Variants in RUFY3 observed in about 807,000 individuals in gnomAD.
RUFY3 encodes the protein protein RUFY3.
Under a neutral mutation model 84.0 loss-of-function variants are expected in RUFY3, and 34 were observed. The observed-to-expected ratio is 0.40, with a 90% CI of 0.31 to 0.54. The LOEUF (loss-of-function observed/expected upper bound fraction) is 0.54. RUFY3 is among the 20% of genes least tolerant of loss of function. RUFY3 has a pLI of 0.39. For missense variants in RUFY3, 507 were observed against 736.8 expected, an observed-to-expected ratio of 0.69 and a Z score of 3.61; for synonymous variants, 242 against 252.9, an observed-to-expected ratio of 0.96 and a Z score of 0.41.
intron 16 of RUFY3, among the ~76,000 whole-genome samples, chr4:70,803,730 CT>C (rs752153269): frequency 2.9e-4 from 41 of 143,440 alleles, no homozygotes; most frequent in Non-Finnish European, 4.6e-4. Context: ...TCTTTTTTTC[CT>C]TTTTTTTTTG....
chr4:70,735,594 A>G (rs1273969019), intron 1 of RUFY3, among the ~76,000 whole-genome samples: 3 of 152,126 alleles, frequency 2.0e-5, no homozygotes, highest in African/African-American at 7.2e-5. Flanking sequence ...TAATCCCAAC[A>G]TTTTGGGAGG....
intron 1 of RUFY3, among the ~76,000 whole-genome samples, chr4:70,748,675 T>C (rs1174269798): frequency 6.6e-6 from 1 of 152,192 alleles, no homozygotes; most frequent in East Asian, 1.9e-4. Context: ...CTGTGCCAGT[T>C]CTTCTTGGAC....
At chr4:70,792,747 A>G in intron 12 of RUFY3, 2 of 985,358 alleles carry the variant, frequency 2.0e-6, no homozygotes, top group Non-Finnish European at 2.4e-6. Flanking sequence ...ATGTGTGCTT[A>G]TATAGGTCCC....
rs1304982345 is a variant in RUFY3 at position 70,783,277 on chromosome 4, G to GC, written c.987+96dup. On this transcript the variant is annotated intron_variant, in intron 9 of 17. Transcript: ENST00000381006. ...TCTAAAGGACTATTTTAAGCAGCTGGCCTGTATCAAGCACACTTTTTATTT... is the reference window on the plus strand; with the variant it reads ...TCTAAAGGACTATTTTAAGCAGCTGGCCCTGTATCAAGCACACTTTTTATTT... The GC allele has an allele frequency of 2.0e-5, 15 of 766,170 alleles. No homozygotes were observed. In the East Asian group the frequency reaches 4.0e-4, roughly 21 times the overall value. The allele number at this position is 766,170 out of a possible 1,614,324, so 47.5% of individuals were successfully genotyped here. A position where few individuals can be genotyped will look rare whatever the true frequency, so the allele number is the denominator to read the frequency against.
At chr4:70,723,680 T>A (rs572861655) in intron 1 of RUFY3, among the ~76,000 whole-genome samples, 34 of 152,282 alleles carry the variant, frequency 2.2e-4, no homozygotes, top group African/African-American at 8.2e-4. Flanking sequence ...TTCTCTGTCC[T>A]TATACTGATG....
rs1206769448 is a variant in RUFY3, at chr4:70,807,839, A to ATACT, written c.*1184_*1187dup. Among the ~76,000 whole-genome samples, 6 of 152,214 alleles carry ATACT rather than the reference A, an allele frequency of 3.9e-5. No homozygotes were observed. In the East Asian group the frequency reaches 7.7e-4, roughly 20 times the overall value. ...CATGGCTGAGAACAGTTAGCTCGGA[A>ATACT]TACTTACATTGTTTTTTGAATAAGG... On this transcript the variant is annotated 3_prime_UTR_variant, in exon 18 of 18. Transcript: ENST00000381006.
chr4:70,785,258 A>C (rs892841767), intron 10 of RUFY3, among the ~76,000 whole-genome samples: 1 of 152,100 alleles, frequency 6.6e-6, no homozygotes, highest in Non-Finnish European at 1.5e-5. Context: ...GGATTACTCT[A>C]TTTTATTTTT....
intron 9 of RUFY3, 72 bp from the exon 10 acceptor site, chr4:70,784,724 G>A: frequency 2.3e-6 from 2 of 885,160 alleles, no homozygotes; most frequent in Non-Finnish European, 3.2e-6. Context: ...TTCTTGCTAA[G>A]TAGCAGTGTT....
At chr4:70,727,222 T>C (rs1718405888) in intron 1 of RUFY3, among the ~76,000 whole-genome samples, 1 of 151,442 alleles carries the variant, frequency 6.6e-6, no homozygotes, top group South Asian at 2.1e-4. Context: ...GAAATGGTGT[T>C]ATTACTGAGA....
intron 1 of RUFY3, chr4:70,705,334 G>A (rs942542617): frequency 9.9e-6 from 13 of 1,306,908 alleles, no homozygotes; most frequent in Middle Eastern, 2.8e-4. Context: ...GCGGGGAAGG[G>A]AGCATTCGGC....
At chr4:70,757,640 T>C (rs1054957168) in intron 1 of RUFY3, among the ~76,000 whole-genome samples, 1 of 152,276 alleles carries the variant, frequency 6.6e-6, no homozygotes, top group African/African-American at 2.4e-5. Flanking sequence ...AAAATATTTG[T>C]CCTGGAATAA....
At chr4:70,775,031 A>G (rs1415594586) in intron 6 of RUFY3, 137 bp from the exon 7 acceptor site, 1 of 524,886 alleles carries the variant, frequency 1.9e-6, no homozygotes, top group Admixed American at 3.5e-5. Flanking sequence ...TTTTACATCA[A>G]ATCTGTCTTA....
intron 1 of RUFY3, among the ~76,000 whole-genome samples, chr4:70,715,756 TAGGA>T (rs1741508272): frequency 6.6e-6 from 1 of 152,164 alleles, no homozygotes; most frequent in Non-Finnish European, 1.5e-5. Context: ...TGACAAATTT[TAGGA>T]AGAAGTTTCT....
intron 13 of RUFY3, 100 bp from the exon 14 acceptor site, chr4:70,794,695 C>T (rs911714712): frequency 3.8e-5 from 29 of 758,636 alleles, no homozygotes; most frequent in African/African-American, 1.2e-4. Flanking sequence ...CTTAACCATT[C>T]GTAATTACTG....
At chr4:70,717,636 A>T (rs1197184880), upstream of RUFY3, among the ~76,000 whole-genome samples, 1 of 151,826 alleles carries the variant, frequency 6.6e-6, no homozygotes, top group Non-Finnish European at 1.5e-5. Flanking sequence ...ATTTTCTCTG[A>T]ATAAAATTTA....
intron 15 of RUFY3, among the ~76,000 whole-genome samples, chr4:70,800,452 GC>G (rs1732077519): frequency 6.6e-6 from 1 of 152,278 alleles, no homozygotes; most frequent in South Asian, 2.1e-4. Context: ...TAATTCCCAA[GC>G]TCAGATTATC....
At chr4:70,781,225 C>T (rs1179944619) in intron 8 of RUFY3, among the ~76,000 whole-genome samples, 1 of 152,174 alleles carries the variant, frequency 6.6e-6, no homozygotes, top group Non-Finnish European at 1.5e-5. Context: ...TGACTCACAC[C>T]TGTAATCCCA....
intron 4 of RUFY3, among the ~76,000 whole-genome samples, chr4:70,768,272 A>T (rs921220230): frequency 8.5e-5 from 13 of 152,242 alleles, no homozygotes; most frequent in Admixed American, 6.5e-4. Context: ...CCAGCCTATT[A>T]TTTAAAGAAT....
upstream of RUFY3, among the ~76,000 whole-genome samples, chr4:70,717,871 GTATTT>G (rs1741795713): frequency 1.5e-5 from 2 of 135,036 alleles, no homozygotes; most frequent in African/African-American, 6.2e-5. Context: ...ACTTGACATG[GTATTT>G]TTTTTTTTTT....
Sources: gnomAD v4.1 joint callset for allele counts (sites outside exome capture counted in the v4.1 genomes callset) on GRCh38, gnomAD v4.1.1 for gene constraint, MANE v1.5 for transcripts, NCBI Gene and HGNC (gene_info 2026-07-23, HGNC 2026-07-21) for gene names.